Variants in SIK3 observed in about 807,000 individuals in gnomAD.
The protein encoded by SIK3 is serine/threonine-protein kinase SIK3.
In SIK3, 28 loss-of-function variants were observed where a neutral mutation model predicts 144.2. That is an observed-to-expected ratio of 0.19 (90% CI 0.14 to 0.27). The LOEUF (loss-of-function observed/expected upper bound fraction) is 0.27. SIK3 is among the 10% of genes least tolerant of loss of function. SIK3 has a pLI of 1.00. For synonymous variants in SIK3, 686 were observed against 676.3 expected (o/e 1.01, Z -0.22); for missense variants, 1,319 against 1,776.0 (o/e 0.74, Z 4.62).
chr11:116,919,351 A>G (rs575960241), intron 4 of SIK3, among the ~76,000 whole-genome samples: 3 of 152,204 alleles, frequency 2.0e-5, no homozygotes, highest in African/African-American at 7.2e-5. Flanking sequence ...AAAATTTTCC[A>G]TGGTACCTTA....
At chr11:117,083,322 C>G (rs563103822) in intron 1 of SIK3, among the ~76,000 whole-genome samples, 8 of 152,114 alleles carry the variant, frequency 5.3e-5, no homozygotes, top group Admixed American at 2.6e-4. Context: ...TATTTTATTC[C>G]TGAGAACTGT....
rs530113629 is a variant in SIK3, at chr11:116,872,785, AG to A, written c.1737+695del. Among the ~76,000 whole-genome samples, 25 of 152,344 alleles carry A rather than the reference AG, an allele frequency of 1.6e-4. No homozygotes were observed. In the South Asian group the frequency reaches 5.0e-3, roughly 30 times the overall value. ...CCCATGATGGATTAAAGGAGGGAAA[AG>A]GGTCCTCAAAGCAGCACTGCCCTTA... On this transcript the variant is annotated intron_variant, in intron 13 of 24. Transcript: ENST00000445177.
At chr11:116,887,595 C>T (rs946502673) in intron 6 of SIK3, among the ~76,000 whole-genome samples, 13 of 144,632 alleles carry the variant, frequency 9.0e-5, no homozygotes, top group African/African-American at 2.1e-4. Flanking sequence ...CCAGCCTGGG[C>T]GGCAAAATCT....
At chr11:117,038,884 T>C (rs1374913219) in intron 1 of SIK3, among the ~76,000 whole-genome samples, 1 of 151,662 alleles carries the variant, frequency 6.6e-6, no homozygotes, top group African/African-American at 2.4e-5. Flanking sequence ...ACCCCATCTC[T>C]ACTAAAAATA....
At chr11:116,977,952 C>T (rs142353141) in intron 1 of SIK3, among the ~76,000 whole-genome samples, 4,460 of 152,306 alleles carry the variant, frequency 0.029, 196 homozygotes, top group African/African-American at 0.1. Context: ...GGTGCGGTGG[C>T]TCACGCCTGT....
intron 1 of SIK3, among the ~76,000 whole-genome samples, chr11:117,043,433 G>A (rs1272226320): frequency 6.6e-6 from 1 of 152,076 alleles, no homozygotes; most frequent in East Asian, 1.9e-4. Context: ...AGGCTTAAGA[G>A]GCTTAAGCAA....
At chr11:116,974,468 A>G (rs923886143) in intron 1 of SIK3, among the ~76,000 whole-genome samples, 14 of 152,104 alleles carry the variant, frequency 9.2e-5, no homozygotes, top group African/African-American at 2.7e-4. Context: ...CAGTGGCACG[A>G]TCACAGTTCA....
chr11:116,953,023 TA>T (rs1309090494), intron 3 of SIK3, among the ~76,000 whole-genome samples: 1 of 152,218 alleles, frequency 6.6e-6, no homozygotes, highest in African/African-American at 2.4e-5. Flanking sequence ...ATACCTCTTT[TA>T]AAAAGGACTA....
intron 2 of SIK3, among the ~76,000 whole-genome samples, chr11:116,955,717 T>C (rs754132846): frequency 9.2e-5 from 14 of 152,164 alleles, no homozygotes; most frequent in Admixed American, 2.6e-4. Flanking sequence ...CTCACAGATA[T>C]AGGTCTTCAG....
chr11:116,945,392 T>TC (rs1436519209), intron 3 of SIK3, among the ~76,000 whole-genome samples: 1 of 146,034 alleles, frequency 6.8e-6, no homozygotes, highest in East Asian at 2.0e-4. Context: ...TTTTTTTTTT[T>TC]TTTTTTTTTT....
intron 1 of SIK3, among the ~76,000 whole-genome samples, chr11:117,052,309 T>C (rs1414806043): frequency 1.3e-5 from 2 of 152,156 alleles, no homozygotes; most frequent in Non-Finnish European, 1.5e-5. Flanking sequence ...GCTTTATAAA[T>C]ATTAATATCA....
At chr11:117,016,386 GGGAGGGAGGGAAGGAA>G (rs1951532667) in intron 1 of SIK3, among the ~76,000 whole-genome samples, 2 of 35,388 alleles carry the variant, frequency 5.7e-5, no homozygotes, top group South Asian at 1.2e-3. Flanking sequence ...GAGGGAGAGA[GGGAGGGAGGGAAGGAA>G]GGAAGGAAGG....
chr11:116,918,153 A>C (rs1946768756), intron 4 of SIK3, among the ~76,000 whole-genome samples: 1 of 152,238 alleles, frequency 6.6e-6, no homozygotes, highest in Admixed American at 6.5e-5. Flanking sequence ...TACACTGAGG[A>C]ATGATTAAAT....
chr11:116,870,300 C>A, intron 14 of SIK3, 31 bp downstream of exon 14: 1 of 1,613,968 alleles, frequency 6.2e-7, no homozygotes, highest in Non-Finnish European at 8.5e-7. Context: ...TGCCCAGGGG[C>A]TTCTGCAAGC....
chr11:116,902,329 C>A (rs1945778293), intron 4 of SIK3, among the ~76,000 whole-genome samples: 1 of 152,112 alleles, frequency 6.6e-6, no homozygotes, highest in Admixed American at 6.5e-5. Flanking sequence ...TGTTACTTTG[C>A]CAGGGAGGTG....
Position 117,076,959 on chromosome 11 carries a change from C to G in SIK3, c.273+21184G>C, listed in dbSNP as rs113427533. On this transcript the variant is annotated intron_variant, in intron 1 of 24. Transcript: ENST00000445177. ...CTGCTTCAGGCCAGGAGTTTGAGAC[C>G]AGCCTAGGCAACAAACCGAGACACT... is the stretch of plus-strand genomic sequence containing the variant. Among the ~76,000 whole-genome samples, 551 of 152,178 alleles carry G rather than the reference C, an allele frequency of 3.6e-3. 3 individuals carry two copies. The highest frequency in any genetic ancestry group is 0.013 in the African/African-American group (536 of 41,518).
intron 3 of SIK3, among the ~76,000 whole-genome samples, chr11:116,932,425 T>A (rs570917161): frequency 6.6e-6 from 1 of 152,270 alleles, no homozygotes; most frequent in East Asian, 1.9e-4. Context: ...GTACAATGCG[T>A]ATGTATAGTT....
At chr11:116,993,619 A>C (rs1950564852) in intron 1 of SIK3, among the ~76,000 whole-genome samples, 1 of 152,186 alleles carries the variant, frequency 6.6e-6, no homozygotes, top group Non-Finnish European at 1.5e-5. Flanking sequence ...GCAATCCTAA[A>C]GCAGCAATGA....
chr11:116,886,712 C>T (rs1424148205), intron 6 of SIK3, among the ~76,000 whole-genome samples: 1 of 151,834 alleles, frequency 6.6e-6, no homozygotes, highest in Non-Finnish European at 1.5e-5. Context: ...GCAGGTGGTA[C>T]AACAGGGGAA....
Sources: gnomAD v4.1 joint callset for allele counts (sites outside exome capture counted in the v4.1 genomes callset) on GRCh38, gnomAD v4.1.1 for gene constraint, MANE v1.5 for transcripts, NCBI Gene and HGNC (gene_info 2026-07-23, HGNC 2026-07-21) for gene names.